Variants in RAPGEF6 observed in about 807,000 individuals in gnomAD.
RAPGEF6 encodes PDZ domain containing guanine nucleotide exchange factor (GEF) 2.
Under a neutral mutation model 171.4 loss-of-function variants are expected in RAPGEF6, and 56 were observed. The ratio of observed to expected loss-of-function variants is 0.33; its 90% CI spans 0.26 to 0.41. The LOEUF (loss-of-function observed/expected upper bound fraction) is 0.41. Ranked by LOEUF, RAPGEF6 falls within the 10% of genes least tolerant of loss-of-function variation. RAPGEF6 has a pLI of 1.00. For missense variants in RAPGEF6, 1,674 were observed against 1,921.4 expected (o/e 0.87, Z 2.41); for synonymous variants, 692 against 650.1 (o/e 1.06, Z -0.98).
intron 8 of RAPGEF6, 39 bp downstream of exon 8, chr5:131,510,275 A>C: frequency 6.5e-7 from 1 of 1,534,300 alleles, no homozygotes; most frequent in Non-Finnish European, 8.9e-7. Context: ...CATATAAATT[A>C]AGTTACAAAT....
chr5:131,536,252 T>C (rs1349628629), intron 6 of RAPGEF6, among the ~76,000 whole-genome samples: 5 of 152,190 alleles, frequency 3.3e-5, no homozygotes, highest in African/African-American at 4.8e-5. Flanking sequence ...GAAATGATCA[T>C]AGGTAACATA....
intron 6 of RAPGEF6, among the ~76,000 whole-genome samples, chr5:131,529,755 T>C (rs1321741098): frequency 2.0e-5 from 3 of 151,704 alleles, no homozygotes; most frequent in Non-Finnish European, 4.4e-5. Context: ...TACAAAAAAA[T>C]TAGAAAATTG....
chr5:131,492,871 G>C (rs765629191), intron 13 of RAPGEF6, 86 bp from the exon 14 acceptor site: 1 of 1,293,588 alleles, frequency 7.7e-7, no homozygotes, highest in Non-Finnish European at 1.1e-6. Context: ...TAGAATTAGA[G>C]TTATAAATAT....
intron 1 of RAPGEF6, among the ~76,000 whole-genome samples, chr5:131,618,534 A>G (rs113656143): frequency 0.025 from 3,787 of 152,194 alleles, 178 homozygotes; most frequent in African/African-American, 0.086. Flanking sequence ...GCTACTCAGG[A>G]AGCTGAGGCA....
intron 23 of RAPGEF6, among the ~76,000 whole-genome samples, chr5:131,442,076 A>C (rs1003067185): frequency 6.6e-6 from 1 of 152,240 alleles, no homozygotes; most frequent in Non-Finnish European, 1.5e-5. Flanking sequence ...CTCTGAATGC[A>C]GTAAGCCCTT....
At chr5:131,543,655 G>A (rs1225901209) in intron 6 of RAPGEF6, among the ~76,000 whole-genome samples, 1 of 152,162 alleles carries the variant, frequency 6.6e-6, no homozygotes, top group East Asian at 1.9e-4. Context: ...TAGAGGTGAA[G>A]CACCGAAGAT....
chr5:131,479,736 A>G lies in RAPGEF6; in HGVS notation c.1858T>C (p.Phe620Leu), dbSNP rs1405177662. 1 of 1,613,962 alleles carries G rather than the reference A, an allele frequency of 6.2e-7. No individual in the cohort carries two copies. Among genetic ancestry groups the G allele is most frequent in the South Asian group, 1.1e-5 (1 of 91,076 alleles). ...TNIFVFKELLFRTEQEKSGVP... is the reference protein window; with the variant it reads ...TNIFVFKELLLRTEQEKSGVP... Reference sequence around the variant, plus strand: ...CCAGATTTCTCTTGTTCAGTCCTAAAAAGTAACTCTTTGAACACTGTGGAA... The same window carrying G: ...CCAGATTTCTCTTGTTCAGTCCTAAGAAGTAACTCTTTGAACACTGTGGAA... Residue 620 changes from phenylalanine to leucine, a missense_variant, in exon 16 of 28, where the codon TTT becomes CTT. Phe to Leu is a conservative substitution (Grantham distance 22). Coordinates refer to ENST00000509018, the MANE Select transcript of RAPGEF6 (RefSeq NM_016340.6).
At chr5:131,528,639 A>G (rs2149921175) in intron 6 of RAPGEF6, among the ~76,000 whole-genome samples, 1 of 152,270 alleles carries the variant, frequency 6.6e-6, no homozygotes, top group East Asian at 1.9e-4. Context: ...AGAAGCTTTC[A>G]ATCAATATTC....
intron 18 of RAPGEF6, 29 bp downstream of exon 18, chr5:131,464,012 T>C: frequency 6.5e-7 from 1 of 1,535,278 alleles, no homozygotes; most frequent in South Asian, 1.3e-5. Flanking sequence ...CATCTACAAA[T>C]AAGCACATCC....
At chr5:131,514,028 AAAAACC>A (rs1757916034) in intron 7 of RAPGEF6, among the ~76,000 whole-genome samples, 5 of 152,188 alleles carry the variant, frequency 3.3e-5, no homozygotes. Context: ...AACGTGTCTC[AAAAACC>A]AAAACCAAAA....
chr5:131,470,974 C>A (rs1349662124), intron 17 of RAPGEF6, among the ~76,000 whole-genome samples: 1 of 152,184 alleles, frequency 6.6e-6, no homozygotes, highest in African/African-American at 2.4e-5. Flanking sequence ...TTCTTCTTCA[C>A]CCTGGTAGTG....
chr5:131,584,266 C>T (rs908586995), intron 4 of RAPGEF6, among the ~76,000 whole-genome samples: 6 of 152,128 alleles, frequency 3.9e-5, no homozygotes, highest in Non-Finnish European at 8.8e-5. Context: ...GGTTAACAGA[C>T]AGCTTGCATC....
chr5:131,527,502 T>C (rs77874514), intron 6 of RAPGEF6, among the ~76,000 whole-genome samples: 4 of 152,294 alleles, frequency 2.6e-5, no homozygotes, highest in Admixed American at 6.5e-5. Context: ...GGACAACAAT[T>C]TGAGGAGTAG....
chr5:131,471,282 G>GT lies in RAPGEF6; in HGVS notation c.2239+1304dup, dbSNP rs1382980145. 2.6e-5 allele frequency among the ~76,000 whole-genome samples: 4 copies of GT among 152,166 alleles called. No individual in the cohort carries two copies. The East Asian group carries it at 7.7e-4, about 29-fold the overall frequency. On this transcript the variant is annotated intron_variant, in intron 17 of 27. Transcript: ENST00000509018. ...GTGATGTGCCAGAACAGGTTACTGGGTTTAATAATCGCTCTAGTGGTTAAG... is the reference window on the plus strand; with the variant it reads ...GTGATGTGCCAGAACAGGTTACTGGGTTTTAATAATCGCTCTAGTGGTTAAG...
chr5:131,483,037 A>C (rs1264427532), intron 15 of RAPGEF6, among the ~76,000 whole-genome samples: 1 of 152,196 alleles, frequency 6.6e-6, no homozygotes, highest in African/African-American at 2.4e-5. Flanking sequence ...ATATAAGGTA[A>C]CTGAATTATT....
chr5:131,439,961 G>A, intron 23 of RAPGEF6: 1 of 599,020 alleles, frequency 1.7e-6, no homozygotes, highest in Non-Finnish European at 2.8e-6. Context: ...GCACTTTGTG[G>A]TATAAGGGAA....
At chr5:131,614,462 C>T (rs1765148997) in intron 1 of RAPGEF6, among the ~76,000 whole-genome samples, 1 of 152,056 alleles carries the variant, frequency 6.6e-6, no homozygotes, top group Non-Finnish European at 1.5e-5. Context: ...CACATCTCGA[C>T]ATAGCCAGCA....
At chr5:131,429,463 C>G (rs1173465908) in intron 26 of RAPGEF6, among the ~76,000 whole-genome samples, 1 of 152,166 alleles carries the variant, frequency 6.6e-6, no homozygotes, top group Non-Finnish European at 1.5e-5. Context: ...GGAGATGACA[C>G]TGATGACAAG....
intron 12 of RAPGEF6, among the ~76,000 whole-genome samples, chr5:131,497,121 T>C (rs1233581062): frequency 6.6e-6 from 1 of 152,236 alleles, no homozygotes; most frequent in Non-Finnish European, 1.5e-5. Flanking sequence ...ATCTCTATGA[T>C]TAATGATGCT....
Sources: gnomAD v4.1 joint callset for allele counts (sites outside exome capture counted in the v4.1 genomes callset) on GRCh38, gnomAD v4.1.1 for gene constraint, MANE v1.5 for transcripts, NCBI Gene and HGNC (gene_info 2026-07-23, HGNC 2026-07-21) for gene names.